ARHGAP32: variants seen among roughly 807,000 people sequenced by gnomAD.
ARHGAP32 encodes rho GTPase-activating protein 32.
Under a neutral mutation model 186.5 loss-of-function variants are expected in ARHGAP32, and 51 were observed. The observed-to-expected ratio is 0.27, with a 90% CI of 0.22 to 0.35. The LOEUF is 0.35. Among genes scored for constraint, ARHGAP32 ranks in the 10% least tolerant of loss-of-function variants. ARHGAP32 has a pLI of 1.00. For synonymous variants in ARHGAP32, 950 were observed against 964.3 expected (o/e 0.99, Z 0.27); for missense variants, 2,186 against 2,623.5 (o/e 0.83, Z 3.64).
At chr11:129,193,697 TATATAATATATATTATATATTATATATTA>T (rs1944344906), upstream of ARHGAP32, among the ~76,000 whole-genome samples, 10 of 30,294 alleles carry the variant, frequency 3.3e-4, no homozygotes, top group South Asian at 1.6e-3. Flanking sequence ...TATTATATAA[TATATAATATATATTATATATTATATATTA>T]TATATAATAT....
intron 1 of ARHGAP32, among the ~76,000 whole-genome samples, chr11:129,190,565 A>G (rs1473299): frequency 6.6e-6 from 1 of 152,214 alleles, no homozygotes; most frequent in Non-Finnish European, 1.5e-5. Context: ...GCTCATCCTT[A>G]CACAAATTTG....
chr11:129,272,045 T>C (rs1945480026), intron 1 of ARHGAP32, among the ~76,000 whole-genome samples: 1 of 152,090 alleles, frequency 6.6e-6, no homozygotes, highest in African/African-American at 2.4e-5. Context: ...TGAGCTCAAA[T>C]GATCAGGCTA....
intron 3 of ARHGAP32, 70 bp downstream of exon 3, chr11:129,124,733 T>C (rs1479100265): frequency 1.6e-6 from 2 of 1,220,700 alleles, no homozygotes; most frequent in African/African-American, 1.5e-5. Flanking sequence ...AATAAAAGTT[T>C]TAAGAGAATT....
At position 129,101,262 on chromosome 11, in the gene ARHGAP32, G is replaced by A. The variant is rs535088967; in HGVS notation, c.445-7555C>T. 5.9e-5 allele frequency among the ~76,000 whole-genome samples: 9 copies of A among 152,250 alleles called. 1 individual carries two copies. The South Asian group carries it at 1.9e-3, about 32-fold the overall frequency. ...ACTGTACATAAGCCCACAAACATGA[G>A]AAAGAATCAGCACAAGAACCCTGAA... On this transcript the variant is annotated intron_variant, in intron 5 of 22. Coordinates refer to ENST00000682385, the MANE Select transcript of ARHGAP32 (RefSeq NM_001378024.1).
chr11:129,011,598 TAGAG>T (rs548850127), intron 11 of ARHGAP32, among the ~76,000 whole-genome samples: 12 of 152,206 alleles, frequency 7.9e-5, no homozygotes, highest in Admixed American at 5.9e-4. Context: ...TAGGCCAGAA[TAGAG>T]AGTTTACAAA....
In ARHGAP32 at chr11:129,122,555, T is replaced by G. The variant is rs182725923; in HGVS notation, c.444+891A>C. Reference sequence around the variant, plus strand: ...CTAATGGAACAAAATATCCTTTGTTTGATGTCACAGCATTATAAATCTCTA... The same window carrying G: ...CTAATGGAACAAAATATCCTTTGTTGGATGTCACAGCATTATAAATCTCTA... On this transcript the variant is annotated intron_variant, in intron 5 of 22. Coordinates refer to ENST00000682385, the MANE Select transcript of ARHGAP32 (RefSeq NM_001378024.1). 4.0e-3 allele frequency among the ~76,000 whole-genome samples: 605 copies of G among 152,262 alleles called. 2 individuals are homozygous for G. Among genetic ancestry groups the G allele is most frequent in the South Asian group, 9.9e-3 (48 of 4,830 alleles).
chr11:129,275,921 A>G (rs1325874222), intron 1 of ARHGAP32, among the ~76,000 whole-genome samples: 4 of 152,252 alleles, frequency 2.6e-5, no homozygotes, highest in Non-Finnish European at 5.9e-5. Context: ...ATTTTTTACT[A>G]AACAGTTCTT....
chr11:128,975,082 C>G, intron 20 of ARHGAP32, 80 bp from the exon 21 acceptor site: 1 of 1,130,870 alleles, frequency 8.8e-7, no homozygotes, highest in East Asian at 2.4e-5. Flanking sequence ...CTCAGCACAG[C>G]AGTAACTTAC....
intron 12 of ARHGAP32, among the ~76,000 whole-genome samples, chr11:128,991,176 T>A (rs1041408841): frequency 1.3e-5 from 2 of 152,170 alleles, no homozygotes; most frequent in Admixed American, 1.3e-4. Context: ...TATGGAGAAT[T>A]AGAGGTCTTT....
intron 1 of ARHGAP32, 40 bp downstream of exon 1, chr11:129,192,043 G>A (rs755468330): frequency 7.0e-7 from 1 of 1,420,740 alleles, no homozygotes; most frequent in Non-Finnish European, 9.9e-7. Context: ...GTGGGGGTAG[G>A]GAGTGGACAG....
At chr11:129,005,995 G>C (rs1337005864) in intron 11 of ARHGAP32, among the ~76,000 whole-genome samples, 1 of 151,946 alleles carries the variant, frequency 6.6e-6, no homozygotes, top group African/African-American at 2.4e-5. Flanking sequence ...TCTTCTGCTT[G>C]ATCAATTCTG....
chr11:129,162,119 T>A (rs565321), intron 2 of ARHGAP32, among the ~76,000 whole-genome samples: 2 of 151,494 alleles, frequency 1.3e-5, no homozygotes, highest in Non-Finnish European at 2.9e-5. Context: ...ACACAGTGAG[T>A]GGAACATCAC....
chr11:129,145,278 C>T (rs1224536349), intron 2 of ARHGAP32, among the ~76,000 whole-genome samples: 2 of 145,556 alleles, frequency 1.4e-5, no homozygotes, highest in Non-Finnish European at 3.1e-5. Context: ...ATTCTGTGTA[C>T]ATTAGATTTA....
intron 2 of ARHGAP32, among the ~76,000 whole-genome samples, chr11:129,161,927 A>C (rs2135481922): frequency 6.6e-6 from 1 of 152,380 alleles, no homozygotes; most frequent in Middle Eastern, 3.4e-3. Flanking sequence ...CTGGATAAAG[A>C]AAATGTGGCA....
At chr11:129,164,211 C>G (rs938809103) in intron 2 of ARHGAP32, 108 bp downstream of exon 2, 1 of 660,330 alleles carries the variant, frequency 1.5e-6, no homozygotes, top group Non-Finnish European at 2.5e-6. Context: ...AATAAATGAA[C>G]AAAGCAACAA....
chr11:129,240,797 T>C (rs946911091), intron 1 of ARHGAP32, among the ~76,000 whole-genome samples: 1 of 152,214 alleles, frequency 6.6e-6, no homozygotes, highest in Non-Finnish European at 1.5e-5. Flanking sequence ...GCATAAAGCT[T>C]TTCTATCTTT....
At chr11:129,254,372 C>T (rs901139493) in intron 1 of ARHGAP32, among the ~76,000 whole-genome samples, 1 of 152,074 alleles carries the variant, frequency 6.6e-6, no homozygotes, top group African/African-American at 2.4e-5. Context: ...ATCCCAAAGG[C>T]TCACTGCTTC....
intron 1 of ARHGAP32, among the ~76,000 whole-genome samples, chr11:129,264,966 C>T (rs1945375658): frequency 6.6e-6 from 1 of 152,172 alleles, no homozygotes; most frequent in Admixed American, 6.5e-5. Context: ...GCTTAACTGC[C>T]CATGTCTCAC....
intron 5 of ARHGAP32, among the ~76,000 whole-genome samples, chr11:129,113,143 G>C (rs1942273779): frequency 6.6e-6 from 1 of 152,102 alleles, no homozygotes; most frequent in Non-Finnish European, 1.5e-5. Context: ...GAGTCTCGTG[G>C]TGTTATTCAA....
Sources: gnomAD v4.1 joint callset for allele counts (sites outside exome capture counted in the v4.1 genomes callset) on GRCh38, gnomAD v4.1.1 for gene constraint, MANE v1.5 for transcripts, NCBI Gene and HGNC (gene_info 2026-07-23, HGNC 2026-07-21) for gene names.